Variants in MARCHF8 observed in about 807,000 individuals in gnomAD.
MARCHF8 encodes E3 ubiquitin-protein ligase MARCHF8.
Under a neutral mutation model 51.6 loss-of-function variants are expected in MARCHF8, and 40 were observed. The observed-to-expected ratio is 0.77, with a 90% CI of 0.60 to 1.01. The LOEUF (loss-of-function observed/expected upper bound fraction) is 1.01, where lower values mean the gene tolerates loss of function less well. Among genes scored for constraint, MARCHF8 ranks in the 50% least tolerant of loss-of-function variants. The probability of loss-of-function intolerance (pLI) is 0.00; values close to 1 mark genes in which losing one functional copy is unlikely to be tolerated. For synonymous variants in MARCHF8, 263 were observed against 280.3 expected, an observed-to-expected ratio of 0.94 and a Z score of 0.62; for missense variants, 685 against 708.6, an observed-to-expected ratio of 0.97 and a Z score of 0.38.
intron 1 of MARCHF8, among the ~76,000 whole-genome samples, chr10:45,549,213 C>CAGT (rs1198778409): frequency 6.6e-6 from 1 of 152,104 alleles, no homozygotes; most frequent in Non-Finnish European, 1.5e-5. Flanking sequence ...CTTGAAGGCT[C>CAGT]AGTAATGAAG....
chr10:45,537,071 G>T (rs2043983180), upstream of MARCHF8, among the ~76,000 whole-genome samples: 1 of 151,934 alleles, frequency 6.6e-6, no homozygotes, highest in South Asian at 2.1e-4. Context: ...TTGAAAAATA[G>T]TCTGGCTCTT....
chr10:45,504,528 G>C (rs1021176823), intron 2 of MARCHF8, among the ~76,000 whole-genome samples: 1 of 152,170 alleles, frequency 6.6e-6, no homozygotes, highest in Non-Finnish European at 1.5e-5. Context: ...TGTTTTTTCT[G>C]TATAAGCTAA....
intron 2 of MARCHF8, among the ~76,000 whole-genome samples, chr10:45,491,560 G>A (rs918073075): frequency 6.6e-6 from 1 of 152,122 alleles, no homozygotes; most frequent in Non-Finnish European, 1.5e-5. Context: ...AACAAAAAAA[G>A]ACCAAGTTTA....
chr10:45,585,436 G>A (rs927097944), intron 1 of MARCHF8, among the ~76,000 whole-genome samples: 3 of 152,132 alleles, frequency 2.0e-5, no homozygotes, highest in Non-Finnish European at 4.4e-5. Context: ...AAATATGAAT[G>A]AGTCTCAAAT....
At chr10:45,537,588 G>A (rs1204519478), upstream of MARCHF8, among the ~76,000 whole-genome samples, 1 of 151,846 alleles carries the variant, frequency 6.6e-6, no homozygotes, top group Non-Finnish European at 1.5e-5. Flanking sequence ...AGAAGGTTGA[G>A]GCTACAGTGA....
intron 3 of MARCHF8, among the ~76,000 whole-genome samples, chr10:45,485,707 A>G (rs949079599): frequency 6.6e-6 from 1 of 152,086 alleles, no homozygotes; most frequent in African/African-American, 2.4e-5. Context: ...CCTCTTTTCA[A>G]CCTCTAAATT....
intron 1 of MARCHF8, among the ~76,000 whole-genome samples, chr10:45,568,291 G>C (rs1401879817): frequency 6.6e-6 from 1 of 152,178 alleles, no homozygotes; most frequent in Non-Finnish European, 1.5e-5. Flanking sequence ...GCTCTAGCTA[G>C]GACTTCTAGT....
At chr10:45,523,794 A>C (rs2043747647) in intron 2 of MARCHF8, among the ~76,000 whole-genome samples, 1 of 152,160 alleles carries the variant, frequency 6.6e-6, no homozygotes, top group Non-Finnish European at 1.5e-5. Context: ...CCGCACAACC[A>C]GACAAGACTC....
chr10:45,579,352 G>C (rs868792539), intron 1 of MARCHF8, among the ~76,000 whole-genome samples: 1 of 148,836 alleles, frequency 6.7e-6, no homozygotes, highest in Non-Finnish European at 1.5e-5. Context: ...GACATAACTA[G>C]AAAACTAGGT....
chr10:45,534,325 GT>G (rs2043940846), intron 1 of MARCHF8, among the ~76,000 whole-genome samples: 1 of 152,104 alleles, frequency 6.6e-6, no homozygotes, highest in South Asian at 2.1e-4. Context: ...GCCGTAAAGG[GT>G]TTCCTAGGGA....
intron 2 of MARCHF8, among the ~76,000 whole-genome samples, chr10:45,508,787 C>T (rs1441364168): frequency 1.3e-5 from 2 of 152,238 alleles, no homozygotes; most frequent in South Asian, 2.1e-4. Context: ...TATAATATTA[C>T]ATCCTTTAAC....
intron 3 of MARCHF8, among the ~76,000 whole-genome samples, chr10:45,464,787 T>C (rs2132942922): frequency 6.6e-6 from 1 of 152,234 alleles, no homozygotes; most frequent in Non-Finnish European, 1.5e-5. Context: ...TCATACATAG[T>C]GCCAGATGCT....
intron 2 of MARCHF8, among the ~76,000 whole-genome samples, chr10:45,519,140 C>T (rs942044112): frequency 5.3e-5 from 8 of 152,130 alleles, no homozygotes; most frequent in African/African-American, 1.7e-4. Flanking sequence ...ATTTAAAGTG[C>T]CATTCGTAAA....
chr10:45,509,956 T>C (rs1481504677), intron 2 of MARCHF8, among the ~76,000 whole-genome samples: 2 of 151,650 alleles, frequency 1.3e-5, no homozygotes, highest in African/African-American at 4.9e-5. Flanking sequence ...ACACTCTTGC[T>C]GTGCCCAGCT....
chr10:45,576,250 A>G (rs1231509365), intron 1 of MARCHF8, among the ~76,000 whole-genome samples: 1 of 152,244 alleles, frequency 6.6e-6, no homozygotes, highest in Non-Finnish European at 1.5e-5. Context: ...CATCAAAGCA[A>G]TTCAATGGGG....
At chr10:45,459,694 G>T (rs1243508097) in intron 6 of MARCHF8, 2 of 984,922 alleles carry the variant, frequency 2.0e-6, no homozygotes, top group South Asian at 4.7e-5. Context: ...CACACTAGCA[G>T]ATGGGTCACA....
intron 3 of MARCHF8, among the ~76,000 whole-genome samples, chr10:45,466,701 G>GA (rs1842980534): frequency 6.6e-6 from 1 of 152,186 alleles, no homozygotes; most frequent in Non-Finnish European, 1.5e-5. Flanking sequence ...TTGGGAGGAG[G>GA]TAAGGTCTTA....
At chr10:45,564,825 T>C (rs2133375044) in intron 1 of MARCHF8, among the ~76,000 whole-genome samples, 2 of 150,674 alleles carry the variant, frequency 1.3e-5, no homozygotes, top group South Asian at 4.2e-4. Flanking sequence ...CAGGAAGTAA[T>C]GCAACAACAT....
intron 2 of MARCHF8, among the ~76,000 whole-genome samples, chr10:45,529,619 A>G (rs1378919380): frequency 6.6e-6 from 1 of 152,234 alleles, no homozygotes; most frequent in Non-Finnish European, 1.5e-5. Flanking sequence ...TCAACAAGAA[A>G]AAAATAACCT....
Sources: gnomAD v4.1 joint callset for allele counts (sites outside exome capture counted in the v4.1 genomes callset) on GRCh38, gnomAD v4.1.1 for gene constraint, MANE v1.5 for transcripts, NCBI Gene and HGNC (gene_info 2026-07-23, HGNC 2026-07-21) for gene names.